ONECUT3: variants seen among roughly 807,000 people sequenced by gnomAD.
ONECUT3 encodes the protein one cut homeobox 3, also known as one cut domain family member 3.
In ONECUT3, 11 loss-of-function variants were observed where a neutral mutation model predicts 16.8. The observed-to-expected ratio is 0.66, with a 90% CI of 0.41 to 1.09. The LOEUF (loss-of-function observed/expected upper bound fraction) is 1.09, where lower values mean the gene tolerates loss of function less well. Among genes scored for constraint, ONECUT3 ranks in the 50% least tolerant of loss-of-function variants. The probability of loss-of-function intolerance (pLI) is 0.00; values close to 1 mark genes in which losing one functional copy is unlikely to be tolerated. For missense variants in ONECUT3, 637 were observed against 629.9 expected, an observed-to-expected ratio of 1.01 and a Z score of -0.12; for synonymous variants, 344 against 310.7, an observed-to-expected ratio of 1.11 and a Z score of -1.13.
In ONECUT3 at chr19:1,753,713, G is replaced by T. The variant is rs1264198242; in HGVS notation, c.51G>T (p.Ala17=). 8 of 1,043,682 alleles carry T rather than the reference G, an allele frequency of 7.7e-6. No individual in the cohort carries two copies. Among genetic ancestry groups the T allele is most frequent in the Non-Finnish European group, 9.2e-6 (8 of 869,610 alleles). 64.7% of individuals were successfully genotyped at this position (1,043,682 alleles called of 1,614,324 possible). A position where few individuals can be genotyped will look rare whatever the true frequency, so the allele number is the denominator to read the frequency against. Residue 17 remains alanine (A), a synonymous_variant, in exon 1 of 2, where the codon GCG becomes GCT. Transcript: ENST00000382349. ...SLGGLHSVAH[A]QAGELLSPGH... ...GGGGCCTGCACAGCGTGGCCCACGC[G>T]CAGGCGGGCGAGCTGCTGAGCCCGG...
At position 1,755,065 on chromosome 19, in the gene ONECUT3, C is replaced by T. The variant is rs2067909728; in HGVS notation, c.1192+211C>T. ...AAAAGGGAGAAAGGGATTGTGCCGC[C>T]TCCCCGCCCCCCGGTCGCCGCTTCT... On this transcript the variant is annotated intron_variant, in intron 1 of 1. Transcript: ENST00000382349. This position sits in a 1 kb window ranked among gnomAD's most constrained non-coding sequence, Gnocchi z 7.5. 1.3e-5 allele frequency among the ~76,000 whole-genome samples: 2 copies of T among 152,164 alleles called. No individual in the cohort carries two copies. The highest frequency in any genetic ancestry group is 2.9e-5 in the Non-Finnish European group (2 of 68,026).
chr19:1,768,416 A>G (rs1377029732), intron 1 of ONECUT3, among the ~76,000 whole-genome samples: 2 of 152,104 alleles, frequency 1.3e-5, no homozygotes. Flanking sequence ...AAGCGGCTGG[A>G]AGAGCTCAGG....
At position 1,780,967 on chromosome 19, in the gene ONECUT3, A is replaced by C. The variant is rs1273706666; in HGVS notation, c.*5522A>C. On this transcript the variant is annotated 3_prime_UTR_variant, in exon 2 of 2. Coordinates refer to ENST00000382349, the MANE Select transcript of ONECUT3 (RefSeq NM_001080488.2). ...ACCTTCACCCTTGGGCGACAGGCTT[A>C]AAAGCTAAAAAAAAAAAAAAATCTC... is the stretch of plus-strand genomic sequence containing the variant. 1 of 66,574 alleles carries C rather than the reference A, an allele frequency of 1.5e-5. No individual in the cohort carries two copies. The highest frequency in any genetic ancestry group is 1.5e-4 in the Admixed American group (1 of 6,810). The allele number at this position is 66,574 out of a possible 1,614,324, so 4.1% of individuals were successfully genotyped here.
intron 1 of ONECUT3, among the ~76,000 whole-genome samples, chr19:1,772,412 AC>A (rs1491483848): frequency 6.7e-6 from 1 of 149,664 alleles, no homozygotes; most frequent in African/African-American, 2.5e-5. Flanking sequence ...GTAGCCTTGA[AC>A]CCCCAGCCTC....
rs2068115615 is a variant in ONECUT3, at chr19:1,777,033, AGAGAGAGGG to A, written c.*1589_*1597del. 1 of 58,368 alleles carries A rather than the reference AGAGAGAGGG, an allele frequency of 1.7e-5. No homozygotes were observed. The highest frequency in any genetic ancestry group is 4.3e-5 in the Non-Finnish European group (1 of 23,388). 3.6% of individuals were successfully genotyped at this position (58,368 alleles called of 1,614,324 possible). ...GAACCTGAGAGCGAAAGAGAGAGAG[AGAGAGAGGG>A]AGAGAGAGGGAGAGAAAGGGAGAGA... On this transcript the variant is annotated 3_prime_UTR_variant, in exon 2 of 2. Transcript: ENST00000382349.
rs1198356345 is a variant in ONECUT3, at chr19:1,778,878, A to T, written c.*3433A>T. The T allele has an allele frequency of 7.0e-6, 1 of 143,796 alleles. No homozygotes were observed. Among genetic ancestry groups the T allele is most frequent in the African/African-American group, 2.6e-5 (1 of 39,170 alleles). 8.9% of individuals were successfully genotyped at this position (143,796 alleles called of 1,614,324 possible). A position where few individuals can be genotyped will look rare whatever the true frequency, so the allele number is the denominator to read the frequency against. The stretch of plus-strand genomic sequence containing the variant: ...AGATATCTTCGTATCACACACACAC[A>T]CACACACACACACACACACACACAC... On this transcript the variant is annotated 3_prime_UTR_variant, in exon 2 of 2. Transcript: ENST00000382349.
intron 1 of ONECUT3, among the ~76,000 whole-genome samples, chr19:1,770,003 T>C (rs2068039450): frequency 6.6e-6 from 1 of 152,152 alleles, no homozygotes. Flanking sequence ...GACTCTGTTT[T>C]CTGGGCTGCC....
In ONECUT3 at chr19:1,755,256, T is replaced by C. The variant is rs980881608; in HGVS notation, c.1192+402T>C. On this transcript the variant is annotated intron_variant, in intron 1 of 1. Transcript: ENST00000382349. This position sits in a 1 kb window ranked among gnomAD's most constrained non-coding sequence, Gnocchi z 7.5. Reference sequence around the variant, plus strand: ...TGTGTCCCCGAACGAGCTGCTGTTGTCGGCTAAGGTGCCACTCCCCTCCTC... The same window carrying C: ...TGTGTCCCCGAACGAGCTGCTGTTGCCGGCTAAGGTGCCACTCCCCTCCTC... Among the ~76,000 whole-genome samples the C allele has an allele frequency of 1.3e-5, 2 of 151,768 alleles. No individual in the cohort carries two copies. The highest frequency in any genetic ancestry group is 4.8e-5 in the African/African-American group (2 of 41,266).
In ONECUT3 at chr19:1,775,474, T is replaced by C; in HGVS notation, c.*29T>C. 4 of 1,433,870 alleles carry C rather than the reference T, an allele frequency of 2.8e-6. No individual in the cohort carries two copies. The highest frequency in any genetic ancestry group is 3.6e-6 in the Non-Finnish European group (4 of 1,101,588). The allele number at this position is 1,433,870 out of a possible 1,614,324, so 88.8% of individuals were successfully genotyped here. A position where few individuals can be genotyped will look rare whatever the true frequency, so the allele number is the denominator to read the frequency against. ...GCCCCGGCCCCGCGCCCTCCCTGCC[T>C]CCACGGCCTGGGCGCTGTGCCCCCA... On this transcript the variant is annotated 3_prime_UTR_variant, in exon 2 of 2. Transcript: ENST00000382349.
In ONECUT3 at chr19:1,775,423, C is replaced by T. The variant is rs746883246; in HGVS notation, c.1463C>T (p.Thr488Met). The T allele has an allele frequency of 2.3e-5, 35 of 1,526,338 alleles. No homozygotes were observed. The highest frequency in any genetic ancestry group is 4.3e-5 in the African/African-American group (3 of 69,920). 94.5% of individuals were successfully genotyped at this position (1,526,338 alleles called of 1,614,324 possible). A position where few individuals can be genotyped will look rare whatever the true frequency, so the allele number is the denominator to read the frequency against. ...GCCCCCGGGGGCCCCGCCGGCGCCA[C>T]GGCCACTTTCTCCAAGGCCTGAGGC... ...STAPGGPAGA[T>M]ATFSKA The change falls in exon 2 of 2, where the codon ACG becomes ATG. Residue 488 changes from threonine (T) to methionine (M), a missense_variant. By Grantham distance (81) the Thr-to-Met change is moderately conservative (BLOSUM62 -1). Transcript: ENST00000382349.
intron 1 of ONECUT3, among the ~76,000 whole-genome samples, chr19:1,763,266 C>T (rs1040753871): frequency 6.8e-5 from 10 of 147,650 alleles, no homozygotes; most frequent in Admixed American, 4.9e-4. Context: ...CCGGAGGCTG[C>T]GACAGGAGAA....
rs1446712488 is a variant in ONECUT3 at position 1,775,329 on chromosome 19, A to G, written c.1369A>G (p.Thr457Ala). The G allele has an allele frequency of 1.1e-5, 16 of 1,478,348 alleles. No individual in the cohort carries two copies. The highest frequency in any genetic ancestry group is 2.9e-5 in the East Asian group (1 of 34,696). 91.6% of individuals were successfully genotyped at this position (1,478,348 alleles called of 1,614,324 possible). A position where few individuals can be genotyped will look rare whatever the true frequency, so the allele number is the denominator to read the frequency against. Residue 457 changes from threonine (T) to alanine (A), a missense_variant, in exon 2 of 2, where the codon ACC (threonine) becomes GCC (alanine). Thr to Ala is a moderately conservative substitution (Grantham distance 58). This residue lies in a region of ONECUT3 where 183 missense variants were observed against 188.3 expected (regional missense o/e 0.97). Transcript: ENST00000382349. ...ISQQLGLELNTVSNFFMNARR... is the reference protein window; with the variant it reads ...ISQQLGLELNAVSNFFMNARR... Reference sequence around the variant, plus strand: ...GCAGCAGCTCGGCTTGGAGCTCAACACCGTCAGCAACTTCTTCATGAACGC... The same window carrying G: ...GCAGCAGCTCGGCTTGGAGCTCAACGCCGTCAGCAACTTCTTCATGAACGC...
rs1404624621 is a variant in ONECUT3, at chr19:1,758,098, G to T, written c.1192+3244G>T. On this transcript the variant is annotated intron_variant, in intron 1 of 1. Coordinates refer to ENST00000382349, the MANE Select transcript of ONECUT3 (RefSeq NM_001080488.2). This position sits in a 1 kb window ranked among gnomAD's most constrained non-coding sequence, Gnocchi z 5.9. ...GCGCCGGGGCCAGGACAGAGACGGG[G>T]ACAGGGAGGGAGAAAGACCCGCAGG... 1.3e-5 allele frequency among the ~76,000 whole-genome samples: 2 copies of T among 152,162 alleles called. No individual in the cohort carries two copies. The highest frequency in any genetic ancestry group is 2.9e-5 in the Non-Finnish European group (2 of 68,018).
At position 1,762,255 on chromosome 19, in the gene ONECUT3, C is replaced by T. The variant is rs1253728414; in HGVS notation, c.1192+7401C>T. On this transcript the variant is annotated intron_variant, in intron 1 of 1. Coordinates refer to ENST00000382349, the MANE Select transcript of ONECUT3 (RefSeq NM_001080488.2). The surrounding 1 kb of genome is among the most constrained non-coding windows in gnomAD (Gnocchi z 4.4). ...CCAGCTGCGCCCGCCAGCCCTCCAA[C>T]CCTCCTGCCCTCCTGCCCTCCTGCC... 6.6e-6 allele frequency among the ~76,000 whole-genome samples: 1 copy of T among 151,746 alleles called. No homozygotes were observed. The highest frequency in any genetic ancestry group is 2.4e-5 in the African/African-American group (1 of 41,100).
In ONECUT3 at chr19:1,778,949, CA is replaced by C. The variant is rs1173268423; in HGVS notation, c.*3505del. On this transcript the variant is annotated 3_prime_UTR_variant, in exon 2 of 2. Transcript: ENST00000382349. ...TTCCGGACCCCACCCCAAACTTGGC[CA>C]GACCCCCACAGAAGGCTCTATCCCC... is the stretch of plus-strand genomic sequence containing the variant. 3.9e-5 allele frequency: 6 copies of C among 152,642 alleles called. No individual in the cohort carries two copies. In the South Asian group the frequency reaches 1.2e-3, roughly 32 times the overall value. The allele number at this position is 152,642 out of a possible 1,614,324, so 9.5% of individuals were successfully genotyped here. A position where few individuals can be genotyped will look rare whatever the true frequency, so the allele number is the denominator to read the frequency against.
rs1003601811 is a variant in ONECUT3 at position 1,776,443 on chromosome 19, C to T, written c.*998C>T. ...TGGAACCTTCTGGAATCCACCGCCCCCCTTTCCGCCCGCGTCAGGGTCTGA... is the reference window on the plus strand; with the variant it reads ...TGGAACCTTCTGGAATCCACCGCCCTCCTTTCCGCCCGCGTCAGGGTCTGA... On this transcript the variant is annotated 3_prime_UTR_variant, in exon 2 of 2. Transcript: ENST00000382349. This position sits in a 1 kb window ranked among gnomAD's most constrained non-coding sequence, Gnocchi z 4.9. 1 of 152,268 alleles carries T rather than the reference C, an allele frequency of 6.6e-6. No individual in the cohort carries two copies. Among genetic ancestry groups the T allele is most frequent in the African/African-American group, 2.4e-5 (1 of 41,460 alleles). 9.4% of individuals were successfully genotyped at this position (152,268 alleles called of 1,614,324 possible).
rs766457835 is a variant in ONECUT3 at position 1,754,154 on chromosome 19, G to C, written c.492G>C (p.Val164=). 137 of 1,089,902 alleles carry C rather than the reference G, an allele frequency of 1.3e-4. No homozygotes were observed. In the African/African-American group the frequency reaches 2.2e-3, roughly 18 times the overall value. The allele number at this position is 1,089,902 out of a possible 1,614,324, so 67.5% of individuals were successfully genotyped here. ...CGCCGCAGCGTCTGGCGGCCAGCGT[G>C]AGCGGCAGCTTCACCCTCATGCGCG... ...PPPPQRLAAS[V]SGSFTLMRDE... The change falls in exon 1 of 2, where the codon GTG becomes GTC. Residue 164 remains valine (V), a synonymous_variant. Transcript: ENST00000382349. This position sits in a 1 kb window ranked among gnomAD's most constrained non-coding sequence, Gnocchi z 7.4.
rs1331828595 is a variant in ONECUT3 at position 1,758,404 on chromosome 19, C to T, written c.1192+3550C>T. ...TGTCCACCCCCGCCCTCCCACAGCC[C>T]CCTCCTTCTTCCCCATGGGGTAGGA... is the stretch of plus-strand genomic sequence containing the variant. On this transcript the variant is annotated intron_variant, in intron 1 of 1. Coordinates refer to ENST00000382349, the MANE Select transcript of ONECUT3 (RefSeq NM_001080488.2). This position sits in a 1 kb window ranked among gnomAD's most constrained non-coding sequence, Gnocchi z 5.9. Among the ~76,000 whole-genome samples, 2 of 151,980 alleles carry T rather than the reference C, an allele frequency of 1.3e-5. No homozygotes were observed. The highest frequency in any genetic ancestry group is 2.9e-5 in the Non-Finnish European group (2 of 68,008).
intron 1 of ONECUT3, among the ~76,000 whole-genome samples, chr19:1,756,476 A>C (rs1412474647): frequency 6.6e-6 from 1 of 152,120 alleles, no homozygotes; most frequent in Non-Finnish European, 1.5e-5. Flanking sequence ...GCACACAGCC[A>C]CGGCCCTCGA....
Sources: allele counts gnomAD v4.1 joint callset (sites outside exome capture counted in the v4.1 genomes callset), GRCh38; gene constraint gnomAD v4.1.1; regional missense constraint gnomAD v4.1.1; non-coding constraint Gnocchi (gnomAD v3.1); transcripts MANE v1.5; gene names NCBI Gene and HGNC (gene_info 2026-07-23, HGNC 2026-07-21).